Variants in CACNA1E observed in about 807,000 individuals in gnomAD.
CACNA1E encodes the protein voltage-dependent R-type calcium channel subunit alpha-1E.
In CACNA1E, 40 loss-of-function variants were observed where a neutral mutation model predicts 259.2. That is an observed-to-expected ratio of 0.15 (90% CI 0.12 to 0.20). The LOEUF (loss-of-function observed/expected upper bound fraction) is 0.20, where lower values mean the gene tolerates loss of function less well. Among genes scored for constraint, CACNA1E ranks in the 10% least tolerant of loss-of-function variants. CACNA1E has a pLI of 1.00. For synonymous variants in CACNA1E, 1,104 were observed against 1,138.5 expected (o/e 0.97, Z 0.61); for missense variants, 1,874 against 3,040.1 (o/e 0.62, Z 9.02).
chr1:181,438,922 C>T (rs1660263413), intron 2 of CACNA1E, among the ~76,000 whole-genome samples: 2 of 152,098 alleles, frequency 1.3e-5, no homozygotes, highest in South Asian at 2.1e-4. Flanking sequence ...GGTACCCATT[C>T]CAAGGGAATA....
chr1:181,742,284 A>G (rs1022935591), intron 25 of CACNA1E, among the ~76,000 whole-genome samples: 1 of 152,156 alleles, frequency 6.6e-6, no homozygotes, highest in Non-Finnish European at 1.5e-5. Context: ...TGGGGCAGAG[A>G]GTGAAAGAAG....
At chr1:181,639,981 G>T (rs1046442113) in intron 6 of CACNA1E, among the ~76,000 whole-genome samples, 2 of 152,190 alleles carry the variant, frequency 1.3e-5, no homozygotes, top group African/African-American at 2.4e-5. Context: ...GAGTGGGAAG[G>T]AACCCCACAT....
At chr1:181,673,415 C>T (rs1174869945) in intron 7 of CACNA1E, among the ~76,000 whole-genome samples, 2 of 152,304 alleles carry the variant, frequency 1.3e-5, no homozygotes, top group Non-Finnish European at 2.9e-5. Flanking sequence ...AAGTCCTGTC[C>T]ACTGCAGCTG....
chr1:181,777,581 G>T (rs1660070595), intron 38 of CACNA1E, among the ~76,000 whole-genome samples: 1 of 152,164 alleles, frequency 6.6e-6, no homozygotes, highest in Non-Finnish European at 1.5e-5. Context: ...AAAGCAATGG[G>T]CAGTGTGTTA....
At chr1:181,466,889 A>T (rs1489804800) in intron 2 of CACNA1E, among the ~76,000 whole-genome samples, 3 of 152,224 alleles carry the variant, frequency 2.0e-5, no homozygotes, top group Non-Finnish European at 4.4e-5. Context: ...AGGAAAGCAT[A>T]AAATAGTCCC....
At chr1:181,623,979 G>T (rs533780945) in intron 6 of CACNA1E, among the ~76,000 whole-genome samples, 3 of 152,178 alleles carry the variant, frequency 2.0e-5, no homozygotes, top group Non-Finnish European at 4.4e-5. Flanking sequence ...ATACAGTTCT[G>T]CAATCTATAC....
intron 1 of CACNA1E, among the ~76,000 whole-genome samples, chr1:181,389,532 T>C (rs1207702964): frequency 1.3e-5 from 2 of 152,238 alleles, no homozygotes; most frequent in Middle Eastern, 6.3e-3. Context: ...GACTGTACCA[T>C]GACCCTAAGG....
intron 7 of CACNA1E, among the ~76,000 whole-genome samples, chr1:181,653,071 C>A (rs146539305): frequency 6.6e-6 from 1 of 152,058 alleles, no homozygotes; most frequent in Non-Finnish European, 1.5e-5. Context: ...TACCTCATCA[C>A]CTTTGGTGAG....
At chr1:181,678,875 G>A (rs1413701025) in intron 7 of CACNA1E, among the ~76,000 whole-genome samples, 1 of 152,164 alleles carries the variant, frequency 6.6e-6, no homozygotes, top group Non-Finnish European at 1.5e-5. Context: ...CATAAGAGAT[G>A]TTCAGTAACA....
intron 2 of CACNA1E, among the ~76,000 whole-genome samples, chr1:181,472,395 A>G (rs551656764): frequency 1.3e-5 from 2 of 152,378 alleles, no homozygotes; most frequent in Non-Finnish European, 2.9e-5. Context: ...TGTTACAAAA[A>G]AAGTAACTAT....
intron 1 of CACNA1E, among the ~76,000 whole-genome samples, chr1:181,494,029 CT>C (rs962708820): frequency 2.0e-5 from 3 of 152,232 alleles, no homozygotes; most frequent in African/African-American, 4.8e-5. Flanking sequence ...GCACTTGCTG[CT>C]TTTCCACCTA....
intron 3 of CACNA1E, among the ~76,000 whole-genome samples, chr1:181,553,672 G>A (rs1050250812): frequency 9.9e-5 from 15 of 152,232 alleles, no homozygotes; most frequent in East Asian, 5.8e-4. Context: ...TTTGAGATGC[G>A]TTCCATCAAT....
intron 1 of CACNA1E, among the ~76,000 whole-genome samples, chr1:181,406,334 G>A (rs1277507979): frequency 6.6e-6 from 1 of 152,218 alleles, no homozygotes; most frequent in Non-Finnish European, 1.5e-5. Flanking sequence ...CATTTTTTAT[G>A]GCCAGGTGCT....
intron 7 of CACNA1E, among the ~76,000 whole-genome samples, chr1:181,691,904 A>G (rs1046928832): frequency 1.3e-5 from 2 of 152,104 alleles, no homozygotes; most frequent in African/African-American, 4.8e-5. Context: ...TAACAATTCT[A>G]CATCTAGAAA....
intron 3 of CACNA1E, among the ~76,000 whole-genome samples, chr1:181,556,170 C>G (rs1273662341): frequency 6.6e-6 from 1 of 152,076 alleles, no homozygotes; most frequent in Non-Finnish European, 1.5e-5. Flanking sequence ...GCTTCAAATT[C>G]GTTATAGACT....
intron 4 of CACNA1E, among the ~76,000 whole-genome samples, chr1:181,578,114 A>G (rs1651156796): frequency 6.6e-6 from 1 of 152,212 alleles, no homozygotes; most frequent in Non-Finnish European, 1.5e-5. Context: ...CAAAAAAGAA[A>G]AGTGCTCTTT....
At chr1:181,427,532 C>T in intron 2 of CACNA1E, among the ~76,000 whole-genome samples, 1 of 149,372 alleles carries the variant, frequency 6.7e-6, no homozygotes, top group South Asian at 2.1e-4. Flanking sequence ...ACTCCTCCTC[C>T]ATCTCAACCC....
At chr1:181,621,579 A>G (rs1655721647) in intron 6 of CACNA1E, among the ~76,000 whole-genome samples, 1 of 152,236 alleles carries the variant, frequency 6.6e-6, no homozygotes, top group Non-Finnish European at 1.5e-5. Flanking sequence ...TATAAAACAC[A>G]TATCCACATT....
At chr1:181,336,464 A>G (rs894888037) in intron 1 of CACNA1E, among the ~76,000 whole-genome samples, 5 of 152,220 alleles carry the variant, frequency 3.3e-5, no homozygotes, top group African/African-American at 9.6e-5. Flanking sequence ...TGTTAAAGGA[A>G]GGAGCAAGGA....
Sources: allele counts gnomAD v4.1 joint callset (sites outside exome capture counted in the v4.1 genomes callset), GRCh38; gene constraint gnomAD v4.1.1; transcripts MANE v1.5; gene names NCBI Gene and HGNC (gene_info 2026-07-23, HGNC 2026-07-21).